Variants in MYT1L observed in about 807,000 individuals in gnomAD.
MYT1L encodes the protein myelin transcription factor 1 like, also known as myelin transcription factor 1-like protein.
Under a neutral mutation model 126.7 loss-of-function variants are expected in MYT1L, and 12 were observed. The observed-to-expected ratio is 0.09, with a 90% CI of 0.06 to 0.15. The LOEUF is 0.15. Among genes scored for constraint, MYT1L ranks in the 10% least tolerant of loss-of-function variants. The pLI, the probability that MYT1L is intolerant of heterozygous loss-of-function variation, is 1.00. For missense variants in MYT1L, 979 were observed against 1,585.2 expected, an observed-to-expected ratio of 0.62 and a Z score of 6.49; for synonymous variants, 541 against 604.2, an observed-to-expected ratio of 0.90 and a Z score of 1.53.
chr2:2,257,468 G>C (rs1361334525), intron 2 of MYT1L, among the ~76,000 whole-genome samples: 1 of 152,130 alleles, frequency 6.6e-6, no homozygotes, highest in African/African-American at 2.4e-5. Flanking sequence ...ACGAGGTCAA[G>C]GATGAGGAGA....
intron 1 of MYT1L, among the ~76,000 whole-genome samples, chr2:2,316,535 G>GC (rs1390223194): frequency 6.6e-6 from 1 of 152,168 alleles, no homozygotes; most frequent in African/African-American, 2.4e-5. Flanking sequence ...TATCTCCCTG[G>GC]CCTACGTCCT....
At chr2:1,901,823 C>T (rs1403874423) in intron 14 of MYT1L, among the ~76,000 whole-genome samples, 1 of 151,758 alleles carries the variant, frequency 6.6e-6, no homozygotes, top group Admixed American at 6.6e-5. Flanking sequence ...CCATGCCCGG[C>T]TAATTTTTGT....
At chr2:1,817,725 CGG>C (rs1241875905) in intron 21 of MYT1L, among the ~76,000 whole-genome samples, 10 of 152,292 alleles carry the variant, frequency 6.6e-5, no homozygotes, top group Non-Finnish European at 1.2e-4. Context: ...GTGCTGGTCC[CGG>C]GCTCTCGGGA....
chr2:1,875,162 G>T (rs913911324), intron 18 of MYT1L, among the ~76,000 whole-genome samples: 5 of 152,212 alleles, frequency 3.3e-5, no homozygotes, highest in African/African-American at 7.2e-5. Flanking sequence ...CTATGTTCCG[G>T]CGCAGGCGGA....
chr2:2,292,667 A>G (rs1177040083), intron 1 of MYT1L, among the ~76,000 whole-genome samples: 2 of 152,158 alleles, frequency 1.3e-5, no homozygotes, highest in Non-Finnish European at 2.9e-5. Context: ...AGCCACATTG[A>G]GAACACTGTG....
intron 3 of MYT1L, among the ~76,000 whole-genome samples, chr2:2,067,777 G>A (rs1276168177): frequency 1.3e-5 from 2 of 152,080 alleles, no homozygotes; most frequent in African/African-American, 4.8e-5. Context: ...TAATCTGGAA[G>A]AAGATATATT....
intron 2 of MYT1L, among the ~76,000 whole-genome samples, chr2:2,188,861 A>T (rs572544768): frequency 8.2e-4 from 116 of 141,796 alleles, no homozygotes; most frequent in African/African-American, 3.0e-3. Context: ...TCCAAGGCAA[A>T]ATTAAAATAC....
At chr2:1,895,913 T>G (rs143465144) in intron 14 of MYT1L, among the ~76,000 whole-genome samples, 2 of 152,224 alleles carry the variant, frequency 1.3e-5, no homozygotes, top group Non-Finnish European at 2.9e-5. Context: ...ACCTACAGAA[T>G]AGGAGAAGAT....
intron 8 of MYT1L, among the ~76,000 whole-genome samples, chr2:1,956,096 C>T (rs1329784443): frequency 1.3e-5 from 2 of 151,936 alleles, no homozygotes; most frequent in Non-Finnish European, 2.9e-5. Flanking sequence ...ATCTTTGTAT[C>T]TACCTACCTA....
At chr2:2,121,820 T>C (rs992145093) in intron 3 of MYT1L, among the ~76,000 whole-genome samples, 5 of 152,164 alleles carry the variant, frequency 3.3e-5, no homozygotes, top group African/African-American at 9.6e-5. Flanking sequence ...AATGCAGTCT[T>C]CGTCCTCCCA....
chr2:1,943,630 T>C lies in MYT1L; in HGVS notation c.153-296A>G, dbSNP rs1191744398. ...ATTCCAGAGATCCTACGAAAATTCA[T>C]GAGATTGGTTTGCATAATGTGTATA... is the stretch of plus-strand genomic sequence containing the variant. On this transcript the variant is annotated intron_variant, in intron 8 of 24. Transcript: ENST00000647738. This position sits in a 1 kb window ranked among gnomAD's most constrained non-coding sequence, Gnocchi z 4.4. 6.6e-6 allele frequency among the ~76,000 whole-genome samples: 1 copy of C among 152,202 alleles called. No individual in the cohort carries two copies. The highest frequency in any genetic ancestry group is 1.5e-5 in the Non-Finnish European group (1 of 68,036).
chr2:2,144,966 A>G (rs1366842829), intron 3 of MYT1L, among the ~76,000 whole-genome samples: 3 of 152,224 alleles, frequency 2.0e-5, no homozygotes, highest in Non-Finnish European at 2.9e-5. Context: ...GGCTGAATAT[A>G]AAATGTAATT....
intron 2 of MYT1L, among the ~76,000 whole-genome samples, chr2:2,248,171 T>A (rs539544858): frequency 1.6e-4 from 24 of 149,198 alleles, no homozygotes; most frequent in Admixed American, 1.1e-3. Context: ...CAAATAAATT[T>A]AAAAAAAAAG....
At chr2:1,920,065 T>G (rs2053377143) in intron 10 of MYT1L, among the ~76,000 whole-genome samples, 1 of 152,188 alleles carries the variant, frequency 6.6e-6, no homozygotes, top group Non-Finnish European at 1.5e-5. Flanking sequence ...CGAAGGACAT[T>G]TGGAATAATG....
At chr2:1,861,332 C>T (rs1333388795) in intron 18 of MYT1L, among the ~76,000 whole-genome samples, 2 of 152,178 alleles carry the variant, frequency 1.3e-5, no homozygotes, top group Non-Finnish European at 2.9e-5. Flanking sequence ...TAGACTTCAG[C>T]TTGCCTTAGG....
chr2:2,170,632 C>T (rs1220361258), intron 3 of MYT1L, among the ~76,000 whole-genome samples: 1 of 152,206 alleles, frequency 6.6e-6, no homozygotes, highest in Non-Finnish European at 1.5e-5. Context: ...TTCTATAATG[C>T]TAAATCTATT....
intron 13 of MYT1L, among the ~76,000 whole-genome samples, chr2:1,906,838 G>A (rs933814610): frequency 6.6e-5 from 10 of 151,920 alleles, no homozygotes; most frequent in Non-Finnish European, 1.2e-4. Context: ...AACACTTTGA[G>A]AGGCTGAGCC....
chr2:2,067,919 A>T (rs1335075115), intron 3 of MYT1L, among the ~76,000 whole-genome samples: 1 of 152,194 alleles, frequency 6.6e-6, no homozygotes, highest in Non-Finnish European at 1.5e-5. Flanking sequence ...ATGGAAAAAT[A>T]ATCAACAATT....
rs2034872911 is a variant in MYT1L, at chr2:1,801,581, A to C, written c.3276+115T>G. 2.9e-6 allele frequency: 2 copies of C among 691,102 alleles called. No homozygotes were observed. The highest frequency in any genetic ancestry group is 5.1e-5 in the East Asian group (2 of 39,138). The allele number at this position is 691,102 out of a possible 1,614,324, so 42.8% of individuals were successfully genotyped here. A position where few individuals can be genotyped will look rare whatever the true frequency, so the allele number is the denominator to read the frequency against. On this transcript the variant is annotated intron_variant, in intron 23 of 24. Transcript: ENST00000647738. This position sits in a 1 kb window ranked among gnomAD's most constrained non-coding sequence, Gnocchi z 4.2. The stretch of plus-strand genomic sequence containing the variant: ...ATCATAAGGTGGAAAAATAAAGGAA[A>C]TAAAAGAGCAAATAAGAGGAAACGA...
Sources: gnomAD v4.1 joint callset for allele counts (sites outside exome capture counted in the v4.1 genomes callset) on GRCh38, gnomAD v4.1.1 for gene constraint, Gnocchi (gnomAD v3.1) non-coding constraint, MANE v1.5 for transcripts, NCBI Gene and HGNC (gene_info 2026-07-23, HGNC 2026-07-21) for gene names.